ANKRD29: variants seen among roughly 807,000 people sequenced by gnomAD.
ANKRD29 encodes the protein ankyrin repeat domain-containing protein 29.
ANKRD29 carries 32 observed loss-of-function variants against 38.0 expected under a neutral mutation model. The observed-to-expected ratio is 0.84, with a 90% confidence interval of 0.64 to 1.13. The LOEUF is 1.13. ANKRD29 is among the 50% of genes most tolerant of loss of function. The pLI is 0.00. For synonymous variants in ANKRD29, 135 were observed against 152.4 expected (o/e 0.89, Z 0.84); for missense variants, 357 against 377.9 (o/e 0.94, Z 0.46).
intron 9 of ANKRD29, among the ~76,000 whole-genome samples, chr18:23,611,119 G>A (rs1387130382): frequency 1.3e-5 from 2 of 152,208 alleles, no homozygotes; most frequent in South Asian, 2.1e-4. Flanking sequence ...CACCCACCGC[G>A]AAGTTTGGCC....
At chr18:23,602,130 G>A (rs144407270) in intron 9 of ANKRD29, among the ~76,000 whole-genome samples, 3,570 of 151,254 alleles carry the variant, frequency 0.024, 146 homozygotes, top group African/African-American at 0.083. Flanking sequence ...TCTGCCTCCT[G>A]GGTTCAAGCA....
At chr18:23,628,108 C>T (rs2059884508) in intron 6 of ANKRD29, among the ~76,000 whole-genome samples, 1 of 152,130 alleles carries the variant, frequency 6.6e-6, no homozygotes, top group African/African-American at 2.4e-5. Flanking sequence ...AAAATGTGGG[C>T]ATTTGAAGAG....
intron 5 of ANKRD29, among the ~76,000 whole-genome samples, chr18:23,632,797 T>C (rs1425768078): frequency 6.6e-6 from 1 of 152,124 alleles, no homozygotes; most frequent in African/African-American, 2.4e-5. Flanking sequence ...TCAATCATTC[T>C]ACTGGTAATG....
At chr18:23,648,647 T>C in intron 2 of ANKRD29, 1 of 372,086 alleles carries the variant, frequency 2.7e-6, no homozygotes, top group Non-Finnish European at 4.8e-6. Context: ...CAAGAGGTAA[T>C]GAAAGGATAA....
chr18:23,648,389 C>T (rs1328640643), intron 2 of ANKRD29: 1 of 152,476 alleles, frequency 6.6e-6, no homozygotes, highest in Non-Finnish European at 1.5e-5. Context: ...AATGGCACAC[C>T]CTGTTTTCAG....
intron 8 of ANKRD29, among the ~76,000 whole-genome samples, chr18:23,616,349 T>A (rs936057748): frequency 6.7e-6 from 1 of 149,574 alleles, no homozygotes; most frequent in African/African-American, 2.4e-5. Context: ...GACAATATAG[T>A]GAGACCCTAT....
At chr18:23,614,885 C>T (rs1318419964) in intron 8 of ANKRD29, among the ~76,000 whole-genome samples, 1 of 152,130 alleles carries the variant, frequency 6.6e-6, no homozygotes, top group East Asian at 1.9e-4. Context: ...TCTGAGAGGA[C>T]AGTCCTAAAG....
At chr18:23,622,974 C>G (rs1255046490) in intron 6 of ANKRD29, among the ~76,000 whole-genome samples, 3 of 152,216 alleles carry the variant, frequency 2.0e-5, no homozygotes, top group African/African-American at 7.2e-5. Flanking sequence ...TTCTTCCTGG[C>G]TGTAAGACCT....
At chr18:23,610,086 T>C (rs76279912) in intron 9 of ANKRD29, among the ~76,000 whole-genome samples, 3,295 of 152,354 alleles carry the variant, frequency 0.022, 87 homozygotes, top group East Asian at 0.091. Flanking sequence ...CAGTAAGATA[T>C]GCTTAGAAAA....
At chr18:23,644,308 A>G (rs1480989455) in intron 3 of ANKRD29, among the ~76,000 whole-genome samples, 2 of 152,260 alleles carry the variant, frequency 1.3e-5, no homozygotes, top group Non-Finnish European at 2.9e-5. Context: ...TAAAGTTTTT[A>G]AAGTAAACCA....
rs1361688706 is a variant in ANKRD29, at chr18:23,646,255, G to A, written c.165C>T (p.Tyr55=). ...CCCTCACACAGTCTATGTGGCCAGC[G>A]TAGGCAGCAACCATCAGGAGTGTGG... ...HGTTLLMVAA[Y]AGHIDCVREL... is the part of the protein sequence containing the mutation. The change falls in exon 3 of 10, where the codon TAC becomes TAT. Residue 55 remains tyrosine (Y), a synonymous_variant. Coordinates refer to ENST00000592179, the MANE Select transcript of ANKRD29 (RefSeq NM_173505.4). The A allele has an allele frequency of 9.9e-6, 16 of 1,613,934 alleles. No homozygotes were observed. Among genetic ancestry groups the A allele is most frequent in the Admixed American group, 8.3e-5 (5 of 60,000 alleles).
intron 9 of ANKRD29, 87 bp from the exon 10 acceptor site, chr18:23,601,396 T>C: frequency 1.9e-6 from 2 of 1,036,842 alleles, no homozygotes; most frequent in South Asian, 2.7e-5. Context: ...ACCCACTCTT[T>C]CTCCTTCACT....
chr18:23,651,317 TA>T (rs1444574316), intron 1 of ANKRD29, among the ~76,000 whole-genome samples: 6 of 152,242 alleles, frequency 3.9e-5, no homozygotes, highest in African/African-American at 1.4e-4. Context: ...TAAATTTTGC[TA>T]TCCTGGAGTT....
At chr18:23,616,975 T>C (rs1233524044) in intron 8 of ANKRD29, among the ~76,000 whole-genome samples, 3 of 151,976 alleles carry the variant, frequency 2.0e-5, no homozygotes, top group Non-Finnish European at 4.4e-5. Flanking sequence ...TCCCAGCACT[T>C]TGGGAGGCTG....
intron 5 of ANKRD29, among the ~76,000 whole-genome samples, chr18:23,633,204 G>A (rs868380054): frequency 6.6e-6 from 1 of 152,148 alleles, no homozygotes; most frequent in Non-Finnish European, 1.5e-5. Context: ...TGTACTAATT[G>A]ACAGTTAGCT....
chr18:23,637,727 A>G (rs1171731094), intron 4 of ANKRD29, among the ~76,000 whole-genome samples: 3 of 152,176 alleles, frequency 2.0e-5, no homozygotes, highest in African/African-American at 7.2e-5. Flanking sequence ...CAGAAAAAAA[A>G]TCCCACTGGA....
intron 4 of ANKRD29, 70 bp downstream of exon 4, chr18:23,638,779 G>A (rs942817261): frequency 2.5e-6 from 3 of 1,211,264 alleles, no homozygotes; most frequent in Non-Finnish European, 3.5e-6. Context: ...TACCATAGAT[G>A]AGGAGAAAAG....
chr18:23,660,175 A>G (rs1252844852), intron 1 of ANKRD29, among the ~76,000 whole-genome samples: 1 of 152,234 alleles, frequency 6.6e-6, no homozygotes, highest in Non-Finnish European at 1.5e-5. Flanking sequence ...CCAGCAATGC[A>G]TGCAGATTCA....
At position 23,645,955 on chromosome 18, in the gene ANKRD29, T is replaced by C. The variant is rs191742566; in HGVS notation, c.231+234A>G. ...ATAAAAAAAAAAGTGTGAGTGTTTA[T>C]AGGCAGGTGGTAAGAGGTTTGGTTA... On this transcript the variant is annotated intron_variant, in intron 3 of 9. Coordinates refer to ENST00000592179, the MANE Select transcript of ANKRD29 (RefSeq NM_173505.4). 2.1e-4 allele frequency among the ~76,000 whole-genome samples: 32 copies of C among 152,310 alleles called. 1 individual carries two copies. Among genetic ancestry groups the C allele is most frequent in the Admixed American group, 2.0e-3 (31 of 15,302 alleles).
Sources: allele counts gnomAD v4.1 joint callset (sites outside exome capture counted in the v4.1 genomes callset), GRCh38; gene constraint gnomAD v4.1.1; transcripts MANE v1.5; gene names NCBI Gene and HGNC (gene_info 2026-07-23, HGNC 2026-07-21).